Variants in EXTL3 observed in about 807,000 individuals in gnomAD.
EXTL3 encodes exostosin-like 3.
In EXTL3, 27 loss-of-function variants were observed where a neutral mutation model predicts 69.3. That is an observed-to-expected ratio of 0.39 (90% confidence interval 0.29 to 0.54). The LOEUF (loss-of-function observed/expected upper bound fraction) is 0.54, where lower values mean the gene tolerates loss of function less well. Among genes scored for constraint, EXTL3 ranks in the 20% least tolerant of loss-of-function variants. EXTL3 has a pLI of 0.69. For synonymous variants in EXTL3, 511 were observed against 499.4 expected (o/e 1.02, Z -0.31); for missense variants, 1,003 against 1,231.8 (o/e 0.81, Z 2.78).
chr8:28,718,432 C>G (rs1801214875), intron 3 of EXTL3, among the ~76,000 whole-genome samples: 1 of 152,098 alleles, frequency 6.6e-6, no homozygotes, highest in Non-Finnish European at 1.5e-5. Context: ...ATCGAGGATC[C>G]CCAAAACTGA....
At chr8:28,721,677 G>GAA (rs1801295644) in intron 3 of EXTL3, among the ~76,000 whole-genome samples, 1 of 152,316 alleles carries the variant, frequency 6.6e-6, no homozygotes, top group Non-Finnish European at 1.5e-5. Context: ...GGGGCTTACT[G>GAA]AACTCTTCTG....
chr8:28,650,198 GAAAA>G (rs35238223), intron 1 of EXTL3, among the ~76,000 whole-genome samples: 1 of 95,262 alleles, frequency 1.0e-5, no homozygotes, highest in African/African-American at 3.9e-5. Flanking sequence ...TCTGTCTCAG[GAAAA>G]AAAAAAAAAA....
intron 1 of EXTL3, among the ~76,000 whole-genome samples, chr8:28,652,431 A>G (rs1423259552): frequency 6.6e-6 from 1 of 151,860 alleles, no homozygotes; most frequent in Non-Finnish European, 1.5e-5. Context: ...CCAAGGTGGG[A>G]GGATTGCTTG....
chr8:28,646,352 C>T (rs1171281619), intron 1 of EXTL3, among the ~76,000 whole-genome samples: 4 of 152,110 alleles, frequency 2.6e-5, no homozygotes, highest in Admixed American at 1.3e-4. Flanking sequence ...CAGTGGGTTC[C>T]GAATCCATAG....
intron 3 of EXTL3, among the ~76,000 whole-genome samples, chr8:28,719,806 T>C (rs1251292470): frequency 6.6e-6 from 1 of 152,142 alleles, no homozygotes; most frequent in East Asian, 1.9e-4. Context: ...TTTTCCTGAG[T>C]TTTCTTTGAT....
intron 1 of EXTL3, among the ~76,000 whole-genome samples, chr8:28,705,218 G>GC (rs1800896466): frequency 6.6e-6 from 1 of 152,148 alleles, no homozygotes; most frequent in South Asian, 2.1e-4. Context: ...GTCAGTGAGG[G>GC]CCTAGAGTCT....
chr8:28,685,858 ATTT>A (rs979128322), intron 1 of EXTL3: 25 of 149,460 alleles, frequency 1.7e-4, no homozygotes, highest in African/African-American at 6.2e-4. Context: ...ATTTTTATTT[ATTT>A]TTTATTTTTA....
At chr8:28,718,565 A>G (rs1410285416) in intron 3 of EXTL3, among the ~76,000 whole-genome samples, 1 of 152,248 alleles carries the variant, frequency 6.6e-6, no homozygotes, top group African/African-American at 2.4e-5. Flanking sequence ...TAGGCACTAT[A>G]ATAAGCATTT....
intron 1 of EXTL3, among the ~76,000 whole-genome samples, chr8:28,693,017 T>G (rs1167945512): frequency 2.0e-5 from 3 of 152,226 alleles, no homozygotes; most frequent in Non-Finnish European, 4.4e-5. Flanking sequence ...GATGCCTTTA[T>G]GCTTGCCTTA....
intron 3 of EXTL3, among the ~76,000 whole-genome samples, chr8:28,721,515 T>TCCCTGTGTCAGTAATTCC (rs1169858653): frequency 1.2e-4 from 18 of 152,242 alleles, no homozygotes; most frequent in Non-Finnish European, 2.4e-4. Context: ...ACAGTAATTC[T>TCCCTGTGTCAGTAATTCC]CCCTGTGTCA....
chr8:28,696,952 A>G (rs1764155789), upstream of EXTL3: 3 of 152,174 alleles, frequency 2.0e-5, no homozygotes, highest in Non-Finnish European at 4.4e-5. Context: ...TTTGTTGATC[A>G]TGTACACATT....
chr8:28,725,303 T>A (rs1801390513), intron 3 of EXTL3, among the ~76,000 whole-genome samples: 1 of 152,102 alleles, frequency 6.6e-6, no homozygotes, highest in East Asian at 1.9e-4. Flanking sequence ...TGAATGATAT[T>A]GTGCAGAAGA....
At chr8:28,616,272 T>G (rs190997496) in intron 2 of EXTL3, among the ~76,000 whole-genome samples, 13 of 150,720 alleles carry the variant, frequency 8.6e-5, no homozygotes, top group Admixed American at 8.6e-4. Flanking sequence ...GAATTAAGAG[T>G]CAGTAACTGA....
At chr8:28,628,610 C>A (rs149367895) in intron 1 of EXTL3, among the ~76,000 whole-genome samples, 3 of 152,142 alleles carry the variant, frequency 2.0e-5, no homozygotes, top group South Asian at 2.1e-4. Context: ...TGGTATGTCA[C>A]GTTATGATCA....
chr8:28,669,428 C>A (rs1305826497), intron 1 of EXTL3, among the ~76,000 whole-genome samples: 1 of 152,220 alleles, frequency 6.6e-6, no homozygotes, highest in African/African-American at 2.4e-5. Flanking sequence ...TGCTTCTCTT[C>A]AAGTTACCAT....
chr8:28,651,893 G>A (rs530995486), intron 1 of EXTL3, among the ~76,000 whole-genome samples: 3 of 152,200 alleles, frequency 2.0e-5, no homozygotes, highest in Admixed American at 6.5e-5. Flanking sequence ...ACGAATTTGC[G>A]TCTCTTCCTA....
intron 1 of EXTL3, among the ~76,000 whole-genome samples, chr8:28,643,619 C>T (rs1806781273): frequency 6.6e-6 from 1 of 151,746 alleles, no homozygotes; most frequent in Non-Finnish European, 1.5e-5. Flanking sequence ...GGGGTTTCAC[C>T]GTGTTAGCCA....
At chr8:28,677,273 T>A (rs927514089) in intron 1 of EXTL3, among the ~76,000 whole-genome samples, 1 of 152,184 alleles carries the variant, frequency 6.6e-6, no homozygotes, top group Non-Finnish European at 1.5e-5. Flanking sequence ...AGATGATTTC[T>A]TGTCACTTCC....
chr8:28,694,214 C>G (rs1183666637), intron 1 of EXTL3, among the ~76,000 whole-genome samples: 1 of 152,160 alleles, frequency 6.6e-6, no homozygotes, highest in African/African-American at 2.4e-5. Flanking sequence ...TGGGGGCCCC[C>G]AAGAGAGCAT....
Sources: gnomAD v4.1 joint callset for allele counts (sites outside exome capture counted in the v4.1 genomes callset) on GRCh38, gnomAD v4.1.1 for gene constraint, MANE v1.5 for transcripts, NCBI Gene and HGNC (gene_info 2026-07-23, HGNC 2026-07-21) for gene names.